SLC35F1: variants seen among roughly 807,000 people sequenced by gnomAD.
SLC35F1 encodes solute carrier family 35 member F1, also known as chromosome 6 open reading frame 169.
A neutral mutation model predicts 48.7 loss-of-function variants in SLC35F1; 14 were observed. The observed-to-expected ratio is 0.29, with a 90% confidence interval of 0.19 to 0.45. The LOEUF (loss-of-function observed/expected upper bound fraction) is 0.45, where lower values mean the gene tolerates loss of function less well. Among genes scored for constraint, SLC35F1 ranks in the 20% least tolerant of loss-of-function variants. SLC35F1 has a pLI of 1.00. For synonymous variants in SLC35F1, 190 were observed against 202.2 expected (o/e 0.94, Z 0.51); for missense variants, 404 against 500.0 (o/e 0.81, Z 1.83).
chr6:118,139,403 C>T (rs1302349055), intron 1 of SLC35F1, among the ~76,000 whole-genome samples: 3 of 152,128 alleles, frequency 2.0e-5, no homozygotes, highest in Admixed American at 6.5e-5. Context: ...TGAGCCACCG[C>T]GCCCAGCCTT....
At chr6:118,166,327 T>G (rs1774317363) in intron 2 of SLC35F1, among the ~76,000 whole-genome samples, 1 of 152,110 alleles carries the variant, frequency 6.6e-6, no homozygotes, top group South Asian at 2.1e-4. Flanking sequence ...ATTGCTGAGC[T>G]GGAGGAGTGG....
intron 1 of SLC35F1, among the ~76,000 whole-genome samples, chr6:118,065,391 A>G (rs1375078426): frequency 6.6e-6 from 1 of 152,156 alleles, no homozygotes; most frequent in East Asian, 1.9e-4. Flanking sequence ...ATACTGTACT[A>G]TACTGTGTTG....
chr6:118,125,156 T>C (rs1773605560), intron 1 of SLC35F1, among the ~76,000 whole-genome samples: 1 of 152,176 alleles, frequency 6.6e-6, no homozygotes, highest in Admixed American at 6.6e-5. Flanking sequence ...CCCATCTATT[T>C]AGAGAATACA....
At chr6:117,960,052 C>T (rs1048728899) in intron 1 of SLC35F1, among the ~76,000 whole-genome samples, 3 of 151,910 alleles carry the variant, frequency 2.0e-5, no homozygotes, top group African/African-American at 4.8e-5. Context: ...TTAGTTCAGT[C>T]CAGTGGAAAA....
intron 7 of SLC35F1, among the ~76,000 whole-genome samples, chr6:118,305,566 T>A (rs1177252645): frequency 6.6e-6 from 1 of 152,160 alleles, no homozygotes; most frequent in African/African-American, 2.4e-5. Context: ...GATATGACTA[T>A]CCTGCATACA....
intron 1 of SLC35F1, among the ~76,000 whole-genome samples, chr6:118,072,488 T>C (rs9320638): frequency 0.97 from 147,828 of 152,192 alleles, 71,937 homozygotes; most frequent in East Asian, 1. Context: ...GGCGTGAACC[T>C]GGGAGGTGGA....
At chr6:117,926,785 A>T (rs1776034327) in intron 1 of SLC35F1, among the ~76,000 whole-genome samples, 1 of 152,166 alleles carries the variant, frequency 6.6e-6, no homozygotes. Flanking sequence ...CATTGGAGAC[A>T]CTAAGCAGAA....
intron 1 of SLC35F1, among the ~76,000 whole-genome samples, chr6:117,925,711 G>A (rs149775304): frequency 6.0e-4 from 92 of 152,190 alleles, no homozygotes; most frequent in Middle Eastern, 3.4e-3. Flanking sequence ...AAGAGCAGGG[G>A]CAGGTTTGCT....
At chr6:118,160,906 T>A (rs1390634035) in intron 2 of SLC35F1, among the ~76,000 whole-genome samples, 1 of 151,918 alleles carries the variant, frequency 6.6e-6, no homozygotes, top group Non-Finnish European at 1.5e-5. Flanking sequence ...CTATTTTTTT[T>A]TTTTTTTGAG....
At chr6:118,292,010 C>T (rs868308924) in intron 7 of SLC35F1, among the ~76,000 whole-genome samples, 2 of 151,896 alleles carry the variant, frequency 1.3e-5, no homozygotes, top group African/African-American at 2.4e-5. Context: ...CCCAGCTAGT[C>T]GGGAGGCTGA....
chr6:118,179,789 C>T (rs771514592), intron 2 of SLC35F1, among the ~76,000 whole-genome samples: 7 of 152,162 alleles, frequency 4.6e-5, no homozygotes, highest in Non-Finnish European at 7.4e-5. Context: ...AGGCCAGATA[C>T]GAGTGCAGGC....
chr6:118,005,650 GCAT>G (rs1227497655), intron 1 of SLC35F1, among the ~76,000 whole-genome samples: 2 of 152,010 alleles, frequency 1.3e-5, no homozygotes, highest in African/African-American at 4.8e-5. Flanking sequence ...AACCACTTTA[GCAT>G]CAGAAACTTT....
chr6:118,130,108 G>A (rs895635251), intron 1 of SLC35F1, among the ~76,000 whole-genome samples: 5 of 152,104 alleles, frequency 3.3e-5, no homozygotes, highest in African/African-American at 1.2e-4. Flanking sequence ...TGTCTTCCTA[G>A]TTTGAAGCCT....
intron 1 of SLC35F1, among the ~76,000 whole-genome samples, chr6:118,047,718 A>G (rs1466745154): frequency 6.6e-6 from 1 of 152,178 alleles, no homozygotes; most frequent in Non-Finnish European, 1.5e-5. Flanking sequence ...GGCTCTGGAA[A>G]TAATAGCAAT....
chr6:118,043,365 C>T (rs1772254817), intron 1 of SLC35F1, among the ~76,000 whole-genome samples: 2 of 149,036 alleles, frequency 1.3e-5, no homozygotes, highest in African/African-American at 5.0e-5. Flanking sequence ...AATGTCTTAG[C>T]ATCAAATCTG....
At chr6:118,047,057 C>T (rs996955575) in intron 1 of SLC35F1, among the ~76,000 whole-genome samples, 1 of 152,254 alleles carries the variant, frequency 6.6e-6, no homozygotes, top group East Asian at 1.9e-4. Flanking sequence ...AAGAGACATA[C>T]TCTCAGAGAT....
chr6:118,142,030 A>C (rs545961768), intron 1 of SLC35F1, among the ~76,000 whole-genome samples: 1 of 152,306 alleles, frequency 6.6e-6, no homozygotes, highest in South Asian at 2.1e-4. Flanking sequence ...GCTCCTCCTA[A>C]AACAGGCTAA....
chr6:118,009,435 A>G (rs1366062700), intron 1 of SLC35F1, among the ~76,000 whole-genome samples: 1 of 152,188 alleles, frequency 6.6e-6, no homozygotes, highest in Admixed American at 6.5e-5. Context: ...GGCTTGTCAC[A>G]TATCTCCCCA....
chr6:118,270,039 A>G (rs1775831107), intron 4 of SLC35F1, among the ~76,000 whole-genome samples: 1 of 152,226 alleles, frequency 6.6e-6, no homozygotes, highest in African/African-American at 2.4e-5. Flanking sequence ...AGAAAATCAC[A>G]GTAATAATAA....
Sources: gnomAD v4.1 joint callset for allele counts (sites outside exome capture counted in the v4.1 genomes callset) on GRCh38, gnomAD v4.1.1 for gene constraint, MANE v1.5 for transcripts, NCBI Gene and HGNC (gene_info 2026-07-23, HGNC 2026-07-21) for gene names.